CCDC60: variants seen among roughly 807,000 people sequenced by gnomAD.
The protein encoded by CCDC60 is coiled-coil domain containing 60.
CCDC60 carries 54 observed loss-of-function variants against 63.5 expected under a neutral mutation model. That is an observed-to-expected ratio of 0.85 (90% CI 0.68 to 1.07). CCDC60 has a LOEUF of 1.07. Ranked by LOEUF, CCDC60 falls within the 50% of genes least tolerant of loss-of-function variation. The pLI is 0.00. For synonymous variants in CCDC60, 206 were observed against 238.8 expected (o/e 0.86, Z 1.27); for missense variants, 651 against 684.3 (o/e 0.95, Z 0.54).
intron 2 of CCDC60, among the ~76,000 whole-genome samples, chr12:119,464,300 AC>A (rs150577538): frequency 0.064 from 3,403 of 53,464 alleles, 336 homozygotes; most frequent in African/African-American, 0.23. Flanking sequence ...TGCAAGAGCA[AC>A]CCCCCCCCCA....
intron 10 of CCDC60, among the ~76,000 whole-genome samples, chr12:119,523,455 A>G (rs1313144418): frequency 6.6e-6 from 1 of 152,162 alleles, no homozygotes. Flanking sequence ...CAGTTGTCTC[A>G]CTGTGGGCTC....
In CCDC60 at chr12:119,456,357, G is replaced by C. The variant is rs913757528; in HGVS notation, c.171-15637G>C. Reference sequence around the variant, plus strand: ...TGGTTTCTGGCTAGGTTAAGGAAGAGAGTCAACTAATATTCAGAAAATAGA... The same window carrying C: ...TGGTTTCTGGCTAGGTTAAGGAAGACAGTCAACTAATATTCAGAAAATAGA... On this transcript the variant is annotated intron_variant, in intron 2 of 13. Transcript: ENST00000327554. The surrounding 1 kb of genome is among the most constrained non-coding windows in gnomAD (Gnocchi z 4.6). Among the ~76,000 whole-genome samples, 3 of 152,212 alleles carry C rather than the reference G, an allele frequency of 2.0e-5. No individual in the cohort carries two copies. The highest frequency in any genetic ancestry group is 4.4e-5 in the Non-Finnish European group (3 of 68,038).
chr12:119,450,701 A>G (rs928410280), intron 2 of CCDC60, among the ~76,000 whole-genome samples: 1 of 152,140 alleles, frequency 6.6e-6, no homozygotes, highest in Admixed American at 6.5e-5. Context: ...TACTAAAAAT[A>G]CAAAAATTAG....
chr12:119,388,002 G>C (rs570080646), intron 1 of CCDC60: 1 of 152,242 alleles, frequency 6.6e-6, no homozygotes, highest in African/African-American at 2.4e-5. Context: ...AAGCAATAAG[G>C]GTTTTATTTT....
intron 1 of CCDC60, among the ~76,000 whole-genome samples, chr12:119,386,435 T>C (rs1436465198): frequency 6.6e-6 from 1 of 152,076 alleles, no homozygotes; most frequent in African/African-American, 2.4e-5. Context: ...TTACACCCAT[T>C]TGTCAGACTC....
intron 1 of CCDC60, among the ~76,000 whole-genome samples, chr12:119,405,461 C>T (rs56974423): frequency 0.086 from 13,042 of 152,214 alleles, 692 homozygotes; most frequent in Non-Finnish European, 0.12. Flanking sequence ...TTGATTTTCA[C>T]GGTAACAAAG....
chr12:119,342,424 G>A (rs1955542289), intron 1 of CCDC60, among the ~76,000 whole-genome samples: 1 of 152,206 alleles, frequency 6.6e-6, no homozygotes, highest in Admixed American at 6.5e-5. Flanking sequence ...AGGAAGCGAT[G>A]GTGATATTGA....
intron 2 of CCDC60, among the ~76,000 whole-genome samples, chr12:119,450,867 A>AG (rs1195952007): frequency 8.8e-4 from 78 of 88,892 alleles, no homozygotes; most frequent in South Asian, 2.4e-3. Context: ...AAAAAAAAAA[A>AG]AAGAGAGAGA....
At chr12:119,384,902 T>C (rs1956044342) in intron 1 of CCDC60, among the ~76,000 whole-genome samples, 1 of 152,220 alleles carries the variant, frequency 6.6e-6, no homozygotes, top group Admixed American at 6.5e-5. Context: ...GTTTTGTGGG[T>C]TGAGTTCTGC....
chr12:119,534,400 C>G (rs1213558493), intron 13 of CCDC60, among the ~76,000 whole-genome samples: 1 of 152,048 alleles, frequency 6.6e-6, no homozygotes, highest in Admixed American at 6.6e-5. Context: ...AAGTGAATAC[C>G]CTTTATTTCT....
chr12:119,516,826 T>C (rs1010296998), intron 8 of CCDC60, 119 bp downstream of exon 8: 10 of 644,308 alleles, frequency 1.6e-5, no homozygotes, highest in Non-Finnish European at 2.7e-5. Flanking sequence ...GTGTTGTTTA[T>C]GTGTATCACC....
At chr12:119,341,592 G>A (rs941357838) in intron 1 of CCDC60, among the ~76,000 whole-genome samples, 2 of 152,208 alleles carry the variant, frequency 1.3e-5, no homozygotes, top group African/African-American at 4.8e-5. Flanking sequence ...TACCCAGTTA[G>A]CCTCCACTAA....
intron 2 of CCDC60, among the ~76,000 whole-genome samples, chr12:119,437,756 C>G (rs1400902267): frequency 1.3e-5 from 2 of 152,308 alleles, no homozygotes; most frequent in Admixed American, 1.3e-4. Flanking sequence ...CATTCCCTCC[C>G]CTAGACTTGA....
intron 13 of CCDC60, among the ~76,000 whole-genome samples, chr12:119,536,871 A>T (rs1953019307): frequency 6.6e-6 from 1 of 152,124 alleles, no homozygotes; most frequent in South Asian, 2.1e-4. Flanking sequence ...ACCTTGGTAA[A>T]TCTGACAATT....
At chr12:119,509,583 T>A (rs1952152590) in intron 7 of CCDC60, among the ~76,000 whole-genome samples, 1 of 152,206 alleles carries the variant, frequency 6.6e-6, no homozygotes, top group Non-Finnish European at 1.5e-5. Flanking sequence ...CCCCACTAAT[T>A]GCTCTGGTTG....
At chr12:119,419,953 T>C (rs1956781296) in intron 1 of CCDC60, among the ~76,000 whole-genome samples, 1 of 143,294 alleles carries the variant, frequency 7.0e-6, no homozygotes, top group South Asian at 2.3e-4. Context: ...CTCGGCTCAC[T>C]GCAACCTCCG....
chr12:119,539,951 C>T (rs1953110466), intron 13 of CCDC60, among the ~76,000 whole-genome samples: 1 of 152,218 alleles, frequency 6.6e-6, no homozygotes, highest in Non-Finnish European at 1.5e-5. Flanking sequence ...TATCTGACCC[C>T]TTGTGCTTCC....
chr12:119,482,154 A>T (rs1454242473), intron 4 of CCDC60, among the ~76,000 whole-genome samples: 1 of 143,758 alleles, frequency 7.0e-6, no homozygotes, highest in Non-Finnish European at 1.6e-5. Flanking sequence ...ACACACACAC[A>T]CACATACACA....
intron 13 of CCDC60, among the ~76,000 whole-genome samples, chr12:119,538,502 C>A (rs551758472): frequency 2.8e-4 from 42 of 152,344 alleles, no homozygotes; most frequent in Non-Finnish European, 3.7e-4. Flanking sequence ...CTGCATCGAT[C>A]ATGCTGGGAG....
Sources: allele counts gnomAD v4.1 joint callset (sites outside exome capture counted in the v4.1 genomes callset), GRCh38; gene constraint gnomAD v4.1.1; non-coding constraint Gnocchi (gnomAD v3.1); transcripts MANE v1.5; gene names NCBI Gene and HGNC (gene_info 2026-07-23, HGNC 2026-07-21).